PHACTR1: variants seen among roughly 807,000 people sequenced by gnomAD.
The protein encoded by PHACTR1 is RPEL repeat containing 1.
PHACTR1 carries 16 observed loss-of-function variants against 69.2 expected under a neutral mutation model. The observed-to-expected ratio is 0.23, with a 90% CI of 0.16 to 0.35. The LOEUF (loss-of-function observed/expected upper bound fraction) is 0.35, where lower values mean the gene tolerates loss of function less well. PHACTR1 is among the 10% of genes least tolerant of loss of function. The probability of loss-of-function intolerance (pLI) is 1.00; values close to 1 mark genes in which losing one functional copy is unlikely to be tolerated. For missense variants in PHACTR1, 510 were observed against 734.7 expected (o/e 0.69, Z 3.54); for synonymous variants, 312 against 284.5 (o/e 1.10, Z -0.97).
chr6:12,857,559 C>T (rs912690242), intron 4 of PHACTR1, among the ~76,000 whole-genome samples: 16 of 150,760 alleles, frequency 1.1e-4, no homozygotes, highest in East Asian at 2.0e-4. Context: ...GCTGAGATCG[C>T]GCTACTGCAC....
At chr6:12,852,707 C>T (rs1156367087) in intron 4 of PHACTR1, among the ~76,000 whole-genome samples, 1 of 152,108 alleles carries the variant, frequency 6.6e-6, no homozygotes, top group Non-Finnish European at 1.5e-5. Flanking sequence ...CAATGGATCA[C>T]AAAAGCATAC....
chr6:13,233,525 T>C (rs1304868744), intron 10 of PHACTR1, among the ~76,000 whole-genome samples: 1 of 152,178 alleles, frequency 6.6e-6, no homozygotes, highest in Non-Finnish European at 1.5e-5. Flanking sequence ...CTTACAATCA[T>C]GGCAGAAGGC....
At chr6:13,120,255 CCTT>C (rs772494681) in intron 5 of PHACTR1, among the ~76,000 whole-genome samples, 13 of 152,178 alleles carry the variant, frequency 8.5e-5, no homozygotes, top group Non-Finnish European at 1.8e-4. Flanking sequence ...CTCCCTCTCT[CCTT>C]CTCTTCCTCC....
rs188926522 is a variant in PHACTR1, at chr6:13,022,322, A to G, written c.251-31043A>G. 2.6e-5 allele frequency among the ~76,000 whole-genome samples: 4 copies of G among 152,302 alleles called. No homozygotes were observed. In the East Asian group the frequency reaches 7.7e-4, roughly 29 times the overall value. ...TTAAGTTTCTTCCACCTGTAAAATG[A>G]ATTTACTTCCATTCTGCTGGAGGTG... On this transcript the variant is annotated intron_variant, in intron 4 of 14. Transcript: ENST00000332995.
intron 10 of PHACTR1, among the ~76,000 whole-genome samples, chr6:13,249,524 C>T (rs576765459): frequency 2.0e-5 from 3 of 152,168 alleles, no homozygotes; most frequent in Non-Finnish European, 4.4e-5. Context: ...TTAAGCCGGG[C>T]GTGGTGGCTC....
intron 4 of PHACTR1, among the ~76,000 whole-genome samples, chr6:12,980,260 G>A (rs929273487): frequency 2.6e-5 from 4 of 152,146 alleles, no homozygotes; most frequent in African/African-American, 9.7e-5. Context: ...GCACGTGTGT[G>A]ACAAATGACA....
chr6:12,728,852 AAAAATAGGCTGATT>A (rs988873169), intron 3 of PHACTR1, among the ~76,000 whole-genome samples: 5 of 152,226 alleles, frequency 3.3e-5, no homozygotes, highest in Non-Finnish European at 7.3e-5. Context: ...GCAGTACAAG[AAAAATAGGCTGATT>A]AAGTCCATTT....
intron 4 of PHACTR1, among the ~76,000 whole-genome samples, chr6:12,792,263 G>A (rs1168667030): frequency 6.6e-6 from 1 of 151,706 alleles, no homozygotes; most frequent in African/African-American, 2.4e-5. Flanking sequence ...TCGGGAGTTC[G>A]AGACCAGCCT....
At chr6:12,734,415 C>A (rs1018857233) in intron 3 of PHACTR1, among the ~76,000 whole-genome samples, 1 of 152,060 alleles carries the variant, frequency 6.6e-6, no homozygotes, top group Non-Finnish European at 1.5e-5. Context: ...AATTATATGC[C>A]TGAATCCTTG....
At chr6:13,022,412 A>G (rs139563703) in intron 4 of PHACTR1, among the ~76,000 whole-genome samples, 1 of 152,322 alleles carries the variant, frequency 6.6e-6, no homozygotes, top group East Asian at 1.9e-4. Flanking sequence ...CTATGTTTGT[A>G]GGTTGAGAAT....
chr6:12,829,184 C>G (rs1777138909), intron 4 of PHACTR1, among the ~76,000 whole-genome samples: 1 of 151,850 alleles, frequency 6.6e-6, no homozygotes, highest in Non-Finnish European at 1.5e-5. Context: ...TAGCTCTCGG[C>G]CCAGGGGAGT....
At chr6:13,077,454 A>T (rs1317493024) in intron 5 of PHACTR1, among the ~76,000 whole-genome samples, 1 of 152,180 alleles carries the variant, frequency 6.6e-6, no homozygotes, top group African/African-American at 2.4e-5. Context: ...AGGGGAGAGG[A>T]TATTCAGACA....
chr6:12,786,782 T>C (rs866643273), intron 4 of PHACTR1, among the ~76,000 whole-genome samples: 3 of 152,190 alleles, frequency 2.0e-5, no homozygotes, highest in African/African-American at 7.2e-5. Context: ...AACTGAACCC[T>C]TGTGGCAGAG....
At chr6:13,139,933 A>G (rs749695622) in intron 5 of PHACTR1, among the ~76,000 whole-genome samples, 37 of 152,334 alleles carry the variant, frequency 2.4e-4, no homozygotes, top group Non-Finnish European at 4.0e-4. Context: ...CTTATAATCC[A>G]AAAGGGTCAA....
intron 7 of PHACTR1, among the ~76,000 whole-genome samples, chr6:13,185,559 C>T (rs186426072): frequency 2.0e-5 from 3 of 152,122 alleles, no homozygotes. Flanking sequence ...TGATTGCACA[C>T]GTCCTTTGCA....
intron 4 of PHACTR1, among the ~76,000 whole-genome samples, chr6:12,835,315 A>C (rs1221416046): frequency 2.0e-5 from 3 of 152,082 alleles, no homozygotes; most frequent in Non-Finnish European, 2.9e-5. Flanking sequence ...TCAGAGTGTG[A>C]GGCTTGGGGA....
intron 4 of PHACTR1, among the ~76,000 whole-genome samples, chr6:12,861,684 G>A (rs958284819): frequency 1.3e-5 from 2 of 152,142 alleles, no homozygotes; most frequent in South Asian, 2.1e-4. Context: ...TGTCTTTTCA[G>A]TTCTTTTCTT....
At chr6:12,756,155 T>C (rs1767299569) in intron 4 of PHACTR1, among the ~76,000 whole-genome samples, 1 of 152,144 alleles carries the variant, frequency 6.6e-6, no homozygotes, top group South Asian at 2.1e-4. Flanking sequence ...TCATGATCAT[T>C]ATTTAGTGTA....
At chr6:12,891,015 G>A (rs1784119105) in intron 4 of PHACTR1, among the ~76,000 whole-genome samples, 1 of 152,122 alleles carries the variant, frequency 6.6e-6, no homozygotes, top group Admixed American at 6.5e-5. Flanking sequence ...GACCAGCTGA[G>A]CCCTGATCTT....
Sources: gnomAD v4.1 joint callset for allele counts (sites outside exome capture counted in the v4.1 genomes callset) on GRCh38, gnomAD v4.1.1 for gene constraint, MANE v1.5 for transcripts, NCBI Gene and HGNC (gene_info 2026-07-23, HGNC 2026-07-21) for gene names.